MTUS1: variants seen among roughly 807,000 people sequenced by gnomAD.
MTUS1 encodes the protein microtubule-associated tumor suppressor 1.
In MTUS1, 109 loss-of-function variants were observed where a neutral mutation model predicts 120.8. That is an observed-to-expected ratio of 0.90 (90% CI 0.77 to 1.06). The LOEUF (loss-of-function observed/expected upper bound fraction) is 1.06. MTUS1 is among the 50% of genes least tolerant of loss of function. The pLI, the probability that MTUS1 is intolerant of heterozygous loss-of-function variation, is 0.00. For missense variants in MTUS1, 2,210 were observed against 1,486.3 expected (o/e 1.49, Z -8.01); for synonymous variants, 737 against 550.5 (o/e 1.34, Z -4.74).
chr8:17,758,911 T>C (rs1044054276), intron 1 of MTUS1, among the ~76,000 whole-genome samples: 6 of 152,232 alleles, frequency 3.9e-5, no homozygotes, highest in African/African-American at 1.4e-4. Flanking sequence ...AGACGGAGTC[T>C]GGCACTGTCG....
At chr8:17,692,594 C>T (rs1817172187) in intron 6 of MTUS1, among the ~76,000 whole-genome samples, 3 of 152,136 alleles carry the variant, frequency 2.0e-5, no homozygotes, top group Non-Finnish European at 2.9e-5. Flanking sequence ...ATTCTGCCTG[C>T]CTGTTACTGA....
chr8:17,755,721 G>T lies in MTUS1; in HGVS notation c.87C>A (p.Tyr29Ter). 1 of 1,614,032 alleles carries T rather than the reference G, an allele frequency of 6.2e-7. No homozygotes were observed. The highest frequency in any genetic ancestry group is 8.5e-7 in the Non-Finnish European group (1 of 1,180,020). Residue 29 changes from tyrosine to a stop codon, truncating the protein, a stop_gained, in exon 2 of 15, where the codon TAC (tyrosine) becomes TAA (stop). Transcript: ENST00000693296. LOFTEE classifies it high-confidence loss of function. ...TSDKDGNTHA[Y>*]NPKSPPTQNS... Reference sequence around the variant, plus strand: ...TTTGTGTAGGTGGTGATTTCGGGTTGTATGCATGTGTATTTCCATCTTTAT... The same window carrying T: ...TTTGTGTAGGTGGTGATTTCGGGTTTTATGCATGTGTATTTCCATCTTTAT...
intron 8 of MTUS1, among the ~76,000 whole-genome samples, chr8:17,662,349 A>ATTT (rs35308070): frequency 1.9e-4 from 21 of 112,674 alleles, no homozygotes; most frequent in African/African-American, 4.2e-4. Context: ...TTTTGTCCCT[A>ATTT]TTTTTTTTTT....
chr8:17,786,887 C>A (rs530038646), intron 1 of MTUS1, among the ~76,000 whole-genome samples: 28 of 152,282 alleles, frequency 1.8e-4, no homozygotes, highest in Non-Finnish European at 3.5e-4. Flanking sequence ...CTTCGGATCC[C>A]TTATGAACTC....
chr8:17,786,236 G>A (rs1003838079), intron 1 of MTUS1, among the ~76,000 whole-genome samples: 13 of 152,080 alleles, frequency 8.5e-5, no homozygotes, highest in African/African-American at 1.7e-4. Flanking sequence ...ACCAACACAC[G>A]CACGAGCCTA....
At chr8:17,666,989 G>A (rs1049735532) in intron 8 of MTUS1, among the ~76,000 whole-genome samples, 1 of 152,148 alleles carries the variant, frequency 6.6e-6, no homozygotes, top group African/African-American at 2.4e-5. Flanking sequence ...ACACAATAAA[G>A]TTTGGGAGCC....
intron 2 of MTUS1, among the ~76,000 whole-genome samples, chr8:17,746,487 T>A (rs537424614): frequency 1.3e-5 from 2 of 151,584 alleles, no homozygotes; most frequent in Non-Finnish European, 2.9e-5. Context: ...AGGTGAAAGG[T>A]TCATCTTACA....
chr8:17,790,287 G>C (rs2051665727), intron 1 of MTUS1, among the ~76,000 whole-genome samples: 2 of 151,066 alleles, frequency 1.3e-5, no homozygotes, highest in Non-Finnish European at 1.5e-5. Context: ...GGCAGAGGTT[G>C]CCATGAGCCG....
intron 7 of MTUS1, among the ~76,000 whole-genome samples, chr8:17,676,905 G>C (rs1322545802): frequency 6.6e-6 from 1 of 152,168 alleles, no homozygotes; most frequent in Non-Finnish European, 1.5e-5. Context: ...CTGAAGTGCT[G>C]ATCTGAGAGT....
chr8:17,654,523 A>G, intron 10 of MTUS1, 38 bp downstream of exon 10: 1 of 1,321,654 alleles, frequency 7.6e-7, no homozygotes, highest in Non-Finnish European at 1.1e-6. Context: ...GTTCCTTCAG[A>G]TTTTATTCTG....
At chr8:17,764,774 C>T (rs2049332538) in intron 1 of MTUS1, among the ~76,000 whole-genome samples, 1 of 152,180 alleles carries the variant, frequency 6.6e-6, no homozygotes, top group African/African-American at 2.4e-5. Flanking sequence ...CAGACTTGGC[C>T]GTGGACTGTA....
intron 6 of MTUS1, chr8:17,691,877 A>G (rs1254340414): frequency 6.6e-6 from 1 of 152,256 alleles, no homozygotes; most frequent in East Asian, 1.9e-4. Flanking sequence ...TAAGCATACA[A>G]AAGCCACATT....
At chr8:17,791,925 A>AACCCCAG (rs2051817890) in intron 1 of MTUS1, among the ~76,000 whole-genome samples, 1 of 152,206 alleles carries the variant, frequency 6.6e-6, no homozygotes, top group Non-Finnish European at 1.5e-5. Context: ...GTGTCAGAAT[A>AACCCCAG]ACCCCAGGAG....
chr8:17,792,246 A>G (rs1461609936), intron 1 of MTUS1, among the ~76,000 whole-genome samples: 1 of 152,180 alleles, frequency 6.6e-6, no homozygotes, highest in Non-Finnish European at 1.5e-5. Context: ...GGAAGGAGAG[A>G]AGAAAAGCAG....
chr8:17,657,534 C>T (rs907992881), intron 8 of MTUS1, among the ~76,000 whole-genome samples: 2 of 150,440 alleles, frequency 1.3e-5, no homozygotes, highest in African/African-American at 2.5e-5. Flanking sequence ...CGCCACTGCA[C>T]TCCAGCCTGG....
At chr8:17,758,945 G>A (rs1290306656) in intron 1 of MTUS1, among the ~76,000 whole-genome samples, 5 of 152,150 alleles carry the variant, frequency 3.3e-5, no homozygotes, top group Admixed American at 2.6e-4. Flanking sequence ...GCAGTGGCGC[G>A]ATCTCGGCTC....
chr8:17,774,905 A>G (rs577466182), intron 1 of MTUS1, among the ~76,000 whole-genome samples: 50 of 150,668 alleles, frequency 3.3e-4, no homozygotes, highest in African/African-American at 1.2e-3. Flanking sequence ...AATATTATTC[A>G]GCCATAAAAA....
At chr8:17,713,070 G>C (rs1171277324) in intron 6 of MTUS1, 144 bp downstream of exon 6, 3 of 694,148 alleles carry the variant, frequency 4.3e-6, no homozygotes, top group Non-Finnish European at 7.7e-6. Flanking sequence ...AATGCTATGC[G>C]ACCCGTCATA....
At chr8:17,787,562 C>G (rs543445968) in intron 1 of MTUS1, among the ~76,000 whole-genome samples, 1 of 152,278 alleles carries the variant, frequency 6.6e-6, no homozygotes, top group South Asian at 2.1e-4. Context: ...GAGAAGCATA[C>G]GTTTATCAAG....
Sources: allele counts gnomAD v4.1 joint callset (sites outside exome capture counted in the v4.1 genomes callset), GRCh38; gene constraint gnomAD v4.1.1; transcripts MANE v1.5; gene names NCBI Gene and HGNC (gene_info 2026-07-23, HGNC 2026-07-21).